CSRNP3: variants seen among roughly 807,000 people sequenced by gnomAD.
CSRNP3 encodes the protein cysteine/serine-rich nuclear protein 3.
A neutral mutation model predicts 48.0 loss-of-function variants in CSRNP3; 12 were observed. That is an observed-to-expected ratio of 0.25 (90% CI 0.16 to 0.41). The LOEUF is 0.41. Among genes scored for constraint, CSRNP3 ranks in the 10% least tolerant of loss-of-function variants. The pLI is 1.00. For synonymous variants in CSRNP3, 263 were observed against 269.7 expected, an observed-to-expected ratio of 0.98 and a Z score of 0.24; for missense variants, 580 against 724.4, an observed-to-expected ratio of 0.80 and a Z score of 2.29.
At chr2:165,559,944 C>G (rs1460182292) in intron 3 of CSRNP3, among the ~76,000 whole-genome samples, 2 of 151,676 alleles carry the variant, frequency 1.3e-5, no homozygotes, top group Admixed American at 6.6e-5. Context: ...GGACTACAGG[C>G]GCCCGCCACC....
At chr2:165,472,506 A>G (rs1176102271) in intron 1 of CSRNP3, among the ~76,000 whole-genome samples, 3 of 152,008 alleles carry the variant, frequency 2.0e-5, no homozygotes, top group African/African-American at 7.2e-5. Context: ...AAAAATCACA[A>G]TTATCATCAT....
intron 5 of CSRNP3, among the ~76,000 whole-genome samples, chr2:165,668,903 A>G (rs1687282016): frequency 6.6e-6 from 1 of 152,246 alleles, no homozygotes; most frequent in African/African-American, 2.4e-5. Flanking sequence ...TTGGAGTCAA[A>G]TAAACCTAAG....
rs76254781 is a variant in CSRNP3, at chr2:165,654,070, A to G, written c.149-3691A>G. On this transcript the variant is annotated intron_variant, in intron 4 of 6. Transcript: ENST00000651982. ...TACATTCAAACCTTTTTCCTTGTCTATAAATTTATGGCCTTGAATAATAAT... is the reference window on the plus strand; with the variant it reads ...TACATTCAAACCTTTTTCCTTGTCTGTAAATTTATGGCCTTGAATAATAAT... Among the ~76,000 whole-genome samples the G allele has an allele frequency of 1.1e-4, 16 of 149,884 alleles. No homozygotes were observed. In the East Asian group the frequency reaches 1.8e-3, roughly 17 times the overall value.
chr2:165,639,149 C>T (rs959371348), intron 4 of CSRNP3, among the ~76,000 whole-genome samples: 1 of 152,178 alleles, frequency 6.6e-6, no homozygotes, highest in African/African-American at 2.4e-5. Context: ...TCGCTGCTTT[C>T]TTGCATTTAG....
At chr2:165,661,888 G>C (rs1687103234) in intron 5 of CSRNP3, among the ~76,000 whole-genome samples, 1 of 152,112 alleles carries the variant, frequency 6.6e-6, no homozygotes, top group African/African-American at 2.4e-5. Context: ...ACCGAACTCA[G>C]AGCTAGATAG....
Position 165,636,560 on chromosome 2 carries a change from T to A in CSRNP3, c.149-21201T>A, listed in dbSNP as rs372501019. Among the ~76,000 whole-genome samples, 6 of 152,324 alleles carry A rather than the reference T, an allele frequency of 3.9e-5. No homozygotes were observed. The East Asian group carries it at 1.2e-3, about 29-fold the overall frequency. On this transcript the variant is annotated intron_variant, in intron 4 of 6. Coordinates refer to ENST00000651982, the MANE Select transcript of CSRNP3 (RefSeq NM_001172173.2). Reference sequence around the variant, plus strand: ...GCATCAACATTCAAGATGGAACAAGTAATCATTATTGCCATGTCTAACTTT... The same window carrying A: ...GCATCAACATTCAAGATGGAACAAGAAATCATTATTGCCATGTCTAACTTT...
intron 3 of CSRNP3, among the ~76,000 whole-genome samples, chr2:165,548,190 G>C (rs897217797): frequency 6.6e-6 from 1 of 152,002 alleles, no homozygotes; most frequent in Non-Finnish European, 1.5e-5. Flanking sequence ...GAAATAGTGA[G>C]GTGGAAATTC....
intron 4 of CSRNP3, among the ~76,000 whole-genome samples, chr2:165,621,449 A>T (rs1558953073): frequency 6.6e-6 from 1 of 152,152 alleles, no homozygotes; most frequent in Non-Finnish European, 1.5e-5. Context: ...GCCCTCAAGG[A>T]ATTCCTAGTT....
At chr2:165,518,124 A>C (rs571854678) in intron 3 of CSRNP3, among the ~76,000 whole-genome samples, 163 bp downstream of exon 3, 8 of 152,080 alleles carry the variant, frequency 5.3e-5, no homozygotes, top group African/African-American at 1.4e-4. Context: ...TATATCAGAC[A>C]TACAGTATTT....
intron 1 of CSRNP3, among the ~76,000 whole-genome samples, chr2:165,477,949 C>G (rs1377622853): frequency 1.3e-5 from 2 of 150,916 alleles, no homozygotes; most frequent in East Asian, 3.9e-4. Context: ...GGCACTCCAG[C>G]CTGGGTGACA....
At chr2:165,649,210 T>G (rs1396581374) in intron 4 of CSRNP3, among the ~76,000 whole-genome samples, 12 of 152,240 alleles carry the variant, frequency 7.9e-5, no homozygotes, top group Non-Finnish European at 1.8e-4. Context: ...ATAGAATACT[T>G]ATTATGTCAC....
rs188099568 is a variant in CSRNP3 at position 165,634,744 on chromosome 2, C to T, written c.149-23017C>T. 3.3e-5 allele frequency among the ~76,000 whole-genome samples: 5 copies of T among 152,324 alleles called. No individual in the cohort carries two copies. The East Asian group carries it at 9.6e-4, about 29-fold the overall frequency. ...GTGAAGCATGTTCTTTGCTTACAAC[C>T]TGGTGAAGAAACCTACCTGGAGGTG... On this transcript the variant is annotated intron_variant, in intron 4 of 6. Coordinates refer to ENST00000651982, the MANE Select transcript of CSRNP3 (RefSeq NM_001172173.2).
chr2:165,635,894 A>T (rs1686619376), intron 4 of CSRNP3, among the ~76,000 whole-genome samples: 1 of 152,000 alleles, frequency 6.6e-6, no homozygotes, highest in Admixed American at 6.6e-5. Context: ...CTTGCTCCAT[A>T]CCCATTTTTT....
At chr2:165,571,397 G>A (rs1490910005) in intron 3 of CSRNP3, among the ~76,000 whole-genome samples, 1 of 151,736 alleles carries the variant, frequency 6.6e-6, no homozygotes, top group Non-Finnish European at 1.5e-5. Context: ...AAATAGTTCT[G>A]TATTTGGAAA....
intron 5 of CSRNP3, among the ~76,000 whole-genome samples, chr2:165,666,896 A>AG (rs1687226225): frequency 7.1e-6 from 1 of 141,390 alleles, no homozygotes; most frequent in Non-Finnish European, 1.6e-5. Context: ...GGAAAGAGAG[A>AG]GAAAAAGGAA....
At chr2:165,664,394 T>C (rs1301094486) in intron 5 of CSRNP3, among the ~76,000 whole-genome samples, 1 of 152,216 alleles carries the variant, frequency 6.6e-6, no homozygotes, top group African/African-American at 2.4e-5. Context: ...TTTTGCAGCT[T>C]TAATTGTTAG....
At chr2:165,520,690 G>T (rs1176404965) in intron 3 of CSRNP3, among the ~76,000 whole-genome samples, 1 of 139,956 alleles carries the variant, frequency 7.1e-6, no homozygotes, top group Non-Finnish European at 1.5e-5. Flanking sequence ...GGCTCTCTCT[G>T]TATCTATCTA....
At chr2:165,575,974 G>A (rs1168362544) in intron 3 of CSRNP3, among the ~76,000 whole-genome samples, 1 of 151,522 alleles carries the variant, frequency 6.6e-6, no homozygotes, top group African/African-American at 2.4e-5. Context: ...TTTTAAATTA[G>A]CTATTTTCTT....
chr2:165,596,815 T>C (rs1039100710), intron 4 of CSRNP3, among the ~76,000 whole-genome samples: 9 of 152,164 alleles, frequency 5.9e-5, no homozygotes, highest in African/African-American at 1.9e-4. Flanking sequence ...TGAAAAAACG[T>C]TGTAAAATGT....
Sources: gnomAD v4.1 joint callset for allele counts (sites outside exome capture counted in the v4.1 genomes callset) on GRCh38, gnomAD v4.1.1 for gene constraint, MANE v1.5 for transcripts, NCBI Gene and HGNC (gene_info 2026-07-23, HGNC 2026-07-21) for gene names.